RIPOR1: variants seen among roughly 807,000 people sequenced by gnomAD.
RIPOR1 encodes the protein rho family-interacting cell polarization regulator 1.
Under a neutral mutation model 116.5 loss-of-function variants are expected in RIPOR1, and 58 were observed. The observed-to-expected ratio is 0.50, with a 90% CI of 0.40 to 0.62. The LOEUF is 0.62. RIPOR1 is among the 20% of genes least tolerant of loss of function. The pLI is 0.00. For missense variants in RIPOR1, 1,372 were observed against 1,586.2 expected (o/e 0.86, Z 2.29); for synonymous variants, 605 against 650.0 (o/e 0.93, Z 1.05).
Position 67,542,416 on chromosome 16 carries a change from C to T in RIPOR1, c.1630C>T (p.Pro544Ser), listed in dbSNP as rs777315157. 13 of 1,613,952 alleles carry T rather than the reference C, an allele frequency of 8.1e-6. No homozygotes were observed. Among genetic ancestry groups the T allele is most frequent in the Non-Finnish European group, 1.1e-5 (13 of 1,179,950 alleles). The change falls in exon 13 of 22, where the codon CCC (proline) becomes TCC (serine). Residue 544 changes from proline (P) to serine (S), a missense_variant. Pro to Ser is a moderately conservative substitution (Grantham distance 74, BLOSUM62 -1). This residue lies in a region of RIPOR1 where 1,005 missense variants were observed against 1,144.7 expected (regional missense o/e 0.88). Coordinates refer to ENST00000042381, the MANE Select transcript of RIPOR1 (RefSeq NM_024519.4). This position sits in a 1 kb window ranked among gnomAD's most constrained non-coding sequence, Gnocchi z 4.6. ...TDSGPSELPG[P>S]THTTTGSTYS... is the part of the protein sequence containing the mutation. ...CTCTGGCCCTTCAGAACTGCCAGGC[C>T]CCACTCACACCACTACAGGCTCTAC...
Position 67,546,389 on chromosome 16 carries a change from C to T in RIPOR1, c.3586C>T (p.Arg1196Ter), listed in dbSNP as rs750467672. 3.7e-6 allele frequency: 6 copies of T among 1,614,066 alleles called. No individual in the cohort carries two copies. The highest frequency in any genetic ancestry group is 1.7e-5 in the Admixed American group (1 of 60,032). Residue 1196 changes from arginine to a stop codon, truncating the protein, a stop_gained, in exon 22 of 22, where the codon CGA becomes TGA. Transcript: ENST00000042381. LOFTEE classifies it high-confidence loss of function. The stretch of plus-strand genomic sequence containing the variant: ...AGGAGAAGAGGGACAGTCTGCCCAT[C>T]GACGGCTGGAGGAGTCCCTGGACGC... ...QCGEEGQSAH[R>*]RLEESLDALP...
chr16:67,531,542 T>C lies in RIPOR1; in HGVS notation c.-24+2628T>C, dbSNP rs2050660210. 15 of 440,502 alleles carry C rather than the reference T, an allele frequency of 3.4e-5. No homozygotes were observed. Among genetic ancestry groups the C allele is most frequent in the South Asian group, 2.4e-4 (15 of 62,708 alleles). 27.3% of individuals were successfully genotyped at this position (440,502 alleles called of 1,614,324 possible). A position where few individuals can be genotyped will look rare whatever the true frequency, so the allele number is the denominator to read the frequency against. On this transcript the variant is annotated intron_variant, in intron 1 of 21. Transcript: ENST00000042381. The surrounding 1 kb of genome is among the most constrained non-coding windows in gnomAD (Gnocchi z 4.2). ...GGAGGAAGAAGTCATAGGGTAGACT[T>C]GAGGAAGGAGAGGGACTTGGGGCTG...
rs1049308672 is a variant in RIPOR1, at chr16:67,537,529, G to C, written c.-23-895G>C. 4.6e-5 allele frequency: 61 copies of C among 1,336,556 alleles called. No homozygotes were observed. The highest frequency in any genetic ancestry group is 5.2e-5 in the Non-Finnish European group (54 of 1,041,252). The allele number at this position is 1,336,556 out of a possible 1,614,324, so 82.8% of individuals were successfully genotyped here. A position where few individuals can be genotyped will look rare whatever the true frequency, so the allele number is the denominator to read the frequency against. ...CGGGCGGCTCGAAGTGGCCAGGGCCGGAAGGTCCGCGGGGGGCGAGCGCGG... is the reference window on the plus strand; with the variant it reads ...CGGGCGGCTCGAAGTGGCCAGGGCCCGAAGGTCCGCGGGGGGCGAGCGCGG... On this transcript the variant is annotated intron_variant, in intron 1 of 21. Coordinates refer to ENST00000042381, the MANE Select transcript of RIPOR1 (RefSeq NM_024519.4). The surrounding 1 kb of genome is among the most constrained non-coding windows in gnomAD (Gnocchi z 4.6).
Position 67,545,528 on chromosome 16 carries a change from G to C in RIPOR1, c.3184G>C (p.Glu1062Gln), listed in dbSNP as rs1221600933. The C allele has an allele frequency of 6.2e-7, 1 of 1,614,062 alleles. No homozygotes were observed. Among genetic ancestry groups the C allele is most frequent in the Admixed American group, 1.7e-5 (1 of 60,018 alleles). ...TMEAYVTETAEEVLLVRNLNS... is the reference protein window; with the variant it reads ...TMEAYVTETAQEVLLVRNLNS... ...GGAGGCCTACGTGACTGAGACCGCT[G>C]AGGAGGGTGAGGCGGTGGCCCTGAT... Residue 1062 changes from glutamate to glutamine, a missense_variant, in exon 18 of 22, where the codon GAG (glutamate) becomes CAG (glutamine). By Grantham distance (29) the Glu-to-Gln change is conservative (BLOSUM62 2). Transcript: ENST00000042381. The surrounding 1 kb of genome is among the most constrained non-coding windows in gnomAD (Gnocchi z 4.8).
chr16:67,527,380 G>A (rs1382833117), upstream of RIPOR1, among the ~76,000 whole-genome samples: 12 of 151,464 alleles, frequency 7.9e-5, no homozygotes, highest in East Asian at 1.9e-3. Context: ...GGGAGACTCC[G>A]TCCCCCAAAA....
intron 1 of RIPOR1, among the ~76,000 whole-genome samples, chr16:67,520,253 TGC>T: frequency 6.6e-6 from 1 of 150,982 alleles, no homozygotes; most frequent in East Asian, 2.0e-4. Flanking sequence ...TGGTTGTGTG[TGC>T]CTGTGGTCCC....
At position 67,537,955 on chromosome 16, in the gene RIPOR1, C is replaced by G. The variant is rs1158445169; in HGVS notation, c.-23-469C>G. ...GCCTGTCGGGCAGCTCCGCAGGGCTCCGAGCGTGGCCCCGCCCCGCCCCGT... is the reference window on the plus strand; with the variant it reads ...GCCTGTCGGGCAGCTCCGCAGGGCTGCGAGCGTGGCCCCGCCCCGCCCCGT... On this transcript the variant is annotated intron_variant, in intron 1 of 21. Coordinates refer to ENST00000042381, the MANE Select transcript of RIPOR1 (RefSeq NM_024519.4). This position sits in a 1 kb window ranked among gnomAD's most constrained non-coding sequence, Gnocchi z 4.6. The G allele has an allele frequency of 2.1e-5, 5 of 238,640 alleles. No individual in the cohort carries two copies. The Admixed American group carries it at 2.8e-4, about 14-fold the overall frequency. 14.8% of individuals were successfully genotyped at this position (238,640 alleles called of 1,614,324 possible).
chr16:67,539,481 G>A (rs1310606231), intron 4 of RIPOR1: 5 of 587,406 alleles, frequency 8.5e-6, no homozygotes, highest in Non-Finnish European at 1.5e-5. Flanking sequence ...CTCCCCAGGC[G>A]GCTGCAGGAA....
At chr16:67,519,871 G>A (rs1388728067) in intron 1 of RIPOR1, among the ~76,000 whole-genome samples, 1 of 151,944 alleles carries the variant, frequency 6.6e-6, no homozygotes, top group South Asian at 2.1e-4. Flanking sequence ...AGACCAGCCT[G>A]GCCAACATGG....
rs189363699 is a variant in RIPOR1, at chr16:67,545,863, G to T, written c.3387+3G>T. ...TGGGCCCTACCTTCCGGGAGAGGGT[G>T]AGTTGGACAGGGCTCCCTTGAGGGC... On this transcript the variant is annotated splice_donor_region_variant and intron_variant, in intron 19 of 21. Coordinates refer to ENST00000042381, the MANE Select transcript of RIPOR1 (RefSeq NM_024519.4). This position sits in a 1 kb window ranked among gnomAD's most constrained non-coding sequence, Gnocchi z 4.8. The T allele has an allele frequency of 1.2e-6, 2 of 1,608,112 alleles. No individual in the cohort carries two copies. Among genetic ancestry groups the T allele is most frequent in the Non-Finnish European group, 1.7e-6 (2 of 1,176,552 alleles).
In RIPOR1 at chr16:67,522,153, G is replaced by A. The variant is rs1304497276; in HGVS notation, c.-24+3540G>A. Among the ~76,000 whole-genome samples the A allele has an allele frequency of 2.7e-5, 4 of 146,332 alleles. No homozygotes were observed. In the East Asian group the frequency reaches 6.0e-4, roughly 22 times the overall value. Reference sequence around the variant, plus strand: ...AGCGATTCTTCTGCCTCAGCCTCCCGAGTAGCTGAGACTACAGGCGTGTGC... The same window carrying A: ...AGCGATTCTTCTGCCTCAGCCTCCCAAGTAGCTGAGACTACAGGCGTGTGC... On this transcript the variant is annotated intron_variant, in intron 1 of 1. Transcript: ENST00000562116.
Position 67,537,644 on chromosome 16 carries a change from G to A in RIPOR1, c.-23-780G>A. On this transcript the variant is annotated intron_variant, in intron 1 of 21. Coordinates refer to ENST00000042381, the MANE Select transcript of RIPOR1 (RefSeq NM_024519.4). The surrounding 1 kb of genome is among the most constrained non-coding windows in gnomAD (Gnocchi z 4.6). ...CGAAAGCTCAGGGACTGGCCCCAGG[G>A]GAAGCAGGCCGGGTTTGGGGGCCAG... The A allele has an allele frequency of 7.7e-7, 1 of 1,303,008 alleles. No homozygotes were observed. The highest frequency in any genetic ancestry group is 1.0e-6 in the Non-Finnish European group (1 of 1,003,632). The allele number at this position is 1,303,008 out of a possible 1,614,324, so 80.7% of individuals were successfully genotyped here.
chr16:67,546,293 G>A (rs1263961151), intron 21 of RIPOR1, 62 bp downstream of exon 21: 17 of 1,608,394 alleles, frequency 1.1e-5, no homozygotes, highest in Non-Finnish European at 1.4e-5. Context: ...ATGGGAGTAG[G>A]AGAGATGGCG....
intron 1 of RIPOR1, among the ~76,000 whole-genome samples, chr16:67,532,179 G>T (rs926126423): frequency 3.3e-5 from 5 of 152,006 alleles, no homozygotes; most frequent in African/African-American, 2.4e-5. Flanking sequence ...GATTACAGGC[G>T]TGAGCCACCG....
Position 67,540,581 on chromosome 16 carries a change from C to T in RIPOR1, c.678C>T (p.Ile226=). ...ARLCVGDQYE[I]CMKYGRQRWK... is the part of the protein sequence containing the mutation. ...CCTCATCCTACCTGTTCCCCCAGAT[C>T]TGCATGAAATATGGGCGTCAGCGCT... Residue 226 remains isoleucine (I), a splice_region_variant and synonymous_variant, in exon 10 of 22, where the codon ATC becomes ATT. Coordinates refer to ENST00000042381, the MANE Select transcript of RIPOR1 (RefSeq NM_024519.4). This position sits in a 1 kb window ranked among gnomAD's most constrained non-coding sequence, Gnocchi z 4.7. 1 of 1,614,026 alleles carries T rather than the reference C, an allele frequency of 6.2e-7. No homozygotes were observed. Among genetic ancestry groups the T allele is most frequent in the South Asian group, 1.1e-5 (1 of 91,084 alleles).
At chr16:67,522,642 T>A (rs928204633) in intron 1 of RIPOR1, among the ~76,000 whole-genome samples, 1 of 152,098 alleles carries the variant, frequency 6.6e-6, no homozygotes, top group African/African-American at 2.4e-5. Context: ...GCCTCCACCA[T>A]GCTTATTATA....
chr16:67,540,749 C>T lies in RIPOR1; in HGVS notation c.801+45C>T, dbSNP rs2050956339. On this transcript the variant is annotated intron_variant, in intron 10 of 21. Transcript: ENST00000042381. This position sits in a 1 kb window ranked among gnomAD's most constrained non-coding sequence, Gnocchi z 4.7. ...CGGCAGGCCACCATGGCCCTGTGAA[C>T]CCCTTGTGACCCCCATTACCCTGAG... 1 of 1,533,764 alleles carries T rather than the reference C, an allele frequency of 6.5e-7. No homozygotes were observed. The highest frequency in any genetic ancestry group is 2.0e-5 in the Admixed American group (1 of 49,446).
At chr16:67,532,841 A>G (rs909840928) in intron 1 of RIPOR1, among the ~76,000 whole-genome samples, 1 of 152,242 alleles carries the variant, frequency 6.6e-6, no homozygotes, top group African/African-American at 2.4e-5. Context: ...GGCACTGTCA[A>G]GTGGCTACAA....
Position 67,543,877 on chromosome 16 carries a change from C to T in RIPOR1, c.2600+408C>T. Reference sequence around the variant, plus strand: ...CTGCCCCACTCCTTCTCAACCCCGACTCTCCCAGAGGCCCTGGCCCCTCAA... The same window carrying T: ...CTGCCCCACTCCTTCTCAACCCCGATTCTCCCAGAGGCCCTGGCCCCTCAA... On this transcript the variant is annotated intron_variant, in intron 14 of 21. Coordinates refer to ENST00000042381, the MANE Select transcript of RIPOR1 (RefSeq NM_024519.4). The surrounding 1 kb of genome is among the most constrained non-coding windows in gnomAD (Gnocchi z 4.7). The T allele has an allele frequency of 2.8e-6, 1 of 355,928 alleles. No homozygotes were observed. The highest frequency in any genetic ancestry group is 5.2e-6 in the Non-Finnish European group (1 of 190,532). The allele number at this position is 355,928 out of a possible 1,614,324, so 22.0% of individuals were successfully genotyped here. A position where few individuals can be genotyped will look rare whatever the true frequency, so the allele number is the denominator to read the frequency against.
Sources: allele counts gnomAD v4.1 joint callset (sites outside exome capture counted in the v4.1 genomes callset), GRCh38; gene constraint gnomAD v4.1.1; regional missense constraint gnomAD v4.1.1; non-coding constraint Gnocchi (gnomAD v3.1); transcripts MANE v1.5; gene names NCBI Gene and HGNC (gene_info 2026-07-23, HGNC 2026-07-21).